MED12L: variants seen among roughly 807,000 people sequenced by gnomAD.
MED12L encodes mediator complex subunit 12L.
A neutral mutation model predicts 281.3 loss-of-function variants in MED12L; 60 were observed. The ratio of observed to expected loss-of-function variants is 0.21; its 90% confidence interval spans 0.17 to 0.26. The LOEUF (loss-of-function observed/expected upper bound fraction) is 0.26, where lower values mean the gene tolerates loss of function less well. Ranked by LOEUF, MED12L falls within the 10% of genes least tolerant of loss-of-function variation. The probability of loss-of-function intolerance (pLI) is 1.00; values close to 1 mark genes in which losing one functional copy is unlikely to be tolerated. For synonymous variants in MED12L, 974 were observed against 987.2 expected (o/e 0.99, Z 0.25); for missense variants, 2,146 against 2,680.9 (o/e 0.80, Z 4.41).
chr3:151,093,591 G>A (rs536759184), intron 2 of MED12L, among the ~76,000 whole-genome samples: 14 of 152,202 alleles, frequency 9.2e-5, no homozygotes, highest in Non-Finnish European at 1.8e-4. Context: ...GTGCAAATGA[G>A]TTTAGTTACT....
intron 21 of MED12L, among the ~76,000 whole-genome samples, chr3:151,364,768 C>G (rs1364610738): frequency 6.6e-6 from 1 of 152,034 alleles, no homozygotes; most frequent in Non-Finnish European, 1.5e-5. Context: ...GTTCTTCCAC[C>G]TATTTAGAAA....
At chr3:151,239,849 CA>C (rs1234553200) in intron 16 of MED12L, among the ~76,000 whole-genome samples, 1 of 151,988 alleles carries the variant, frequency 6.6e-6, no homozygotes, top group Non-Finnish European at 1.5e-5. Flanking sequence ...CTATAAATAT[CA>C]AAAAAGGACA....
intron 11 of MED12L, among the ~76,000 whole-genome samples, chr3:151,173,990 G>C (rs1342043649): frequency 6.6e-6 from 1 of 152,166 alleles, no homozygotes; most frequent in Non-Finnish European, 1.5e-5. Flanking sequence ...TTTAATTATA[G>C]CTTGAATATC....
intron 25 of MED12L, among the ~76,000 whole-genome samples, chr3:151,368,689 T>C (rs28441472): frequency 0.056 from 2,279 of 40,356 alleles, 60 homozygotes; most frequent in Non-Finnish European, 0.064. Context: ...CATTTCATTT[T>C]ATTTCATTTC....
At chr3:151,131,765 A>T (rs555355641) in intron 5 of MED12L, among the ~76,000 whole-genome samples, 3 of 152,274 alleles carry the variant, frequency 2.0e-5, no homozygotes, top group African/African-American at 7.2e-5. Flanking sequence ...GTATAGCTCC[A>T]GTTTCTACTT....
intron 16 of MED12L, among the ~76,000 whole-genome samples, chr3:151,267,677 T>C (rs1332222044): frequency 6.6e-6 from 1 of 152,186 alleles, no homozygotes; most frequent in Non-Finnish European, 1.5e-5. Flanking sequence ...GTAACATGTA[T>C]TACTTATATA....
intron 16 of MED12L, among the ~76,000 whole-genome samples, chr3:151,257,569 G>A (rs1372260695): frequency 6.6e-6 from 1 of 152,194 alleles, no homozygotes; most frequent in Non-Finnish European, 1.5e-5. Context: ...GAGGAATATT[G>A]TTCTGTATGC....
chr3:151,242,452 G>A (rs1272808669), intron 16 of MED12L, among the ~76,000 whole-genome samples: 1 of 151,844 alleles, frequency 6.6e-6, no homozygotes, highest in Non-Finnish European at 1.5e-5. Context: ...GCCTCCTCAA[G>A]TGGGTCCCTG....
intron 2 of MED12L, among the ~76,000 whole-genome samples, chr3:151,087,227 G>A (rs971091237): frequency 6.6e-6 from 1 of 152,238 alleles, no homozygotes; most frequent in African/African-American, 2.4e-5. Flanking sequence ...GCTCCACTGG[G>A]GCGCTCGCTT....
intron 5 of MED12L, among the ~76,000 whole-genome samples, chr3:151,132,354 T>G (rs114193147): frequency 2.6e-5 from 4 of 152,202 alleles, no homozygotes; most frequent in Admixed American, 1.3e-4. Flanking sequence ...TCATGTTTTT[T>G]TAGTTGTCTT....
intron 11 of MED12L, among the ~76,000 whole-genome samples, chr3:151,177,575 G>C (rs751999936): frequency 9.9e-5 from 15 of 151,900 alleles, no homozygotes; most frequent in Non-Finnish European, 1.8e-4. Context: ...CTGTAGACTT[G>C]AACTTCTAGG....
intron 16 of MED12L, among the ~76,000 whole-genome samples, chr3:151,231,587 T>TAA (rs202203582): frequency 6.6e-6 from 1 of 152,088 alleles, no homozygotes; most frequent in Admixed American, 6.5e-5. Flanking sequence ...TTGGACTCTT[T>TAA]AAAAAAATCA....
At chr3:151,200,322 A>AT (rs1334531516) in intron 16 of MED12L, among the ~76,000 whole-genome samples, 1 of 152,202 alleles carries the variant, frequency 6.6e-6, no homozygotes, top group African/African-American at 2.4e-5. Context: ...CTAAGGGTAC[A>AT]TTAGTAATCT....
At chr3:151,431,858 T>G (rs570055935) in intron 44 of MED12L, among the ~76,000 whole-genome samples, 15 of 152,334 alleles carry the variant, frequency 9.8e-5, no homozygotes, top group Non-Finnish European at 2.2e-4. Flanking sequence ...CCTGTGAGAT[T>G]ATGTATTATT....
At chr3:151,334,631 C>T (rs1419768142) in intron 16 of MED12L, among the ~76,000 whole-genome samples, 1 of 152,030 alleles carries the variant, frequency 6.6e-6, no homozygotes, top group Non-Finnish European at 1.5e-5. Context: ...TCCTGAGTAG[C>T]TGGGACTACA....
At chr3:151,211,528 A>G (rs555942143) in intron 16 of MED12L, among the ~76,000 whole-genome samples, 6 of 152,106 alleles carry the variant, frequency 3.9e-5, no homozygotes, top group South Asian at 4.1e-4. Context: ...ATTGGGAACT[A>G]TTAGAACAGT....
At chr3:151,358,321 G>A (rs6766699) in intron 20 of MED12L, among the ~76,000 whole-genome samples, 146,597 of 152,206 alleles carry the variant, frequency 0.96, 70,657 homozygotes, top group Middle Eastern at 1. Context: ...TAATAACTCA[G>A]CTACTGTATA....
chr3:151,173,182 A>ATTCTTT lies in MED12L; in HGVS notation c.1494+7206_1494+7211dup, dbSNP rs1407855583. On this transcript the variant is annotated intron_variant, in intron 11 of 44. Coordinates refer to ENST00000687756, the MANE Select transcript of MED12L (RefSeq NM_001393769.1). The stretch of plus-strand genomic sequence containing the variant: ...TTCCCTGGCCTGTGAGATGCACGTT[A>ATTCTTT]TTCTTTTTCTTACTTTCTCTTTTTA... 2.8e-4 allele frequency among the ~76,000 whole-genome samples: 42 copies of ATTCTTT among 151,200 alleles called. 1 individual carries two copies. Among genetic ancestry groups the ATTCTTT allele is most frequent in the African/African-American group, 1.0e-3 (41 of 41,100 alleles).
At chr3:151,150,089 T>C (rs1346273660) in intron 5 of MED12L, among the ~76,000 whole-genome samples, 1 of 152,252 alleles carries the variant, frequency 6.6e-6, no homozygotes, top group Non-Finnish European at 1.5e-5. Context: ...TTCTTAATGG[T>C]ATCTAGAATG....
Sources: allele counts gnomAD v4.1 joint callset (sites outside exome capture counted in the v4.1 genomes callset), GRCh38; gene constraint gnomAD v4.1.1; transcripts MANE v1.5; gene names NCBI Gene and HGNC (gene_info 2026-07-23, HGNC 2026-07-21).